The following TRPA1 variants were observed in gnomAD, a reference collection of about 807,000 sequenced individuals.
The protein encoded by TRPA1 is ankyrin-like with transmembrane domains 1.
In TRPA1, 129 loss-of-function variants were observed where a neutral mutation model predicts 131.3. The ratio of observed to expected loss-of-function variants is 0.98; its 90% CI spans 0.85 to 1.14. The LOEUF (loss-of-function observed/expected upper bound fraction) is 1.14. Among genes scored for constraint, TRPA1 ranks in the 50% most tolerant of loss-of-function variants. The pLI, the probability that TRPA1 is intolerant of heterozygous loss-of-function variation, is 0.00. For synonymous variants in TRPA1, 441 were observed against 451.7 expected (o/e 0.98, Z 0.30); for missense variants, 1,304 against 1,354.2 (o/e 0.96, Z 0.58).
intron 2 of TRPA1, 71 bp from the exon 3 acceptor site, chr8:72,069,269 C>G: frequency 1.4e-6 from 2 of 1,457,336 alleles, no homozygotes; most frequent in Non-Finnish European, 1.9e-6. Flanking sequence ...AGTGCCTATA[C>G]ACTATAAAAC....
At chr8:72,062,989 A>G in intron 5 of TRPA1, 45 bp from the exon 6 acceptor site, 1 of 1,551,820 alleles carries the variant, frequency 6.4e-7, no homozygotes, top group Non-Finnish European at 8.8e-7. Flanking sequence ...TATAAAATAA[A>G]TAATAGGGAG....
rs775817417 is a variant in TRPA1, at chr8:72,055,780, C to T, written c.1270G>A (p.Gly424Arg). ...CTPLHYACRQ[G>R]GPGSVNNLLG... ...AGGTTATTTACAGAACCAGGGCCCC[C>T]CTGTCTACATGCATAATGTAGAGGA... Residue 424 changes from glycine (G) to arginine (R), a missense_variant, in exon 11 of 27, where the codon GGG (glycine) becomes AGG (arginine). Transcript: ENST00000262209. The T allele has an allele frequency of 2.2e-5, 35 of 1,612,808 alleles. No individual in the cohort carries two copies. The highest frequency in any genetic ancestry group is 3.0e-5 in the Non-Finnish European group (35 of 1,179,232).
rs749758571 is a variant in TRPA1 at position 72,046,650 on chromosome 8, T to C, written c.1966-42A>G. ...TTTTTTTAAAAAAATGTACAGTTAGTCAAGTATAGAATCCCCAAAGTAATT... is the reference window on the plus strand; with the variant it reads ...TTTTTTTAAAAAAATGTACAGTTAGCCAAGTATAGAATCCCCAAAGTAATT... On this transcript the variant is annotated intron_variant, in intron 16 of 26. Coordinates refer to ENST00000262209, the MANE Select transcript of TRPA1 (RefSeq NM_007332.3). The C allele has an allele frequency of 2.8e-6, 3 of 1,056,946 alleles. No individual in the cohort carries two copies. The Admixed American group carries it at 5.4e-5, about 19-fold the overall frequency. 65.5% of individuals were successfully genotyped at this position (1,056,946 alleles called of 1,614,324 possible).
At chr8:72,064,010 CA>C (rs1805872055) in intron 4 of TRPA1, among the ~76,000 whole-genome samples, 1 of 152,036 alleles carries the variant, frequency 6.6e-6, no homozygotes, top group South Asian at 2.1e-4. Flanking sequence ...CAAATATTTT[CA>C]CTAATGAAGT....
rs764575967 is a variant in TRPA1, at chr8:72,039,798, C to A, written c.2062-1G>T. ...CTATGCGGTTATTTTGTACCATTGC[C>A]TGAGAAATAAAAAAAAGTGTAATAA... is the stretch of plus-strand genomic sequence containing the variant. On this transcript the variant is annotated splice_acceptor_variant, in intron 17 of 26. Transcript: ENST00000262209. LOFTEE classifies it high-confidence loss of function. The A allele has an allele frequency of 1.9e-6, 3 of 1,600,052 alleles. No individual in the cohort carries two copies. The South Asian group carries it at 3.3e-5, about 18-fold the overall frequency.
chr8:72,077,848 T>C (rs1370949684), upstream of TRPA1, among the ~76,000 whole-genome samples: 1 of 152,150 alleles, frequency 6.6e-6, no homozygotes, highest in African/African-American at 2.4e-5. Flanking sequence ...AGTTTATTGA[T>C]GAATAGCAGT....
rs529569989 is a variant in TRPA1 at position 72,022,635 on chromosome 8, C to T, written c.*271G>A. On this transcript the variant is annotated 3_prime_UTR_variant, in exon 27 of 27. Transcript: ENST00000262209. ...TTAAAAATGTGTGTTCTAGCAAATT[C>T]ATTTTCTACCCATTCAAATAATGAG... The T allele has an allele frequency of 3.5e-4, 183 of 518,830 alleles. 2 individuals carry two copies. The South Asian group carries it at 3.8e-3, about 11-fold the overall frequency. The allele number at this position is 518,830 out of a possible 1,614,324, so 32.1% of individuals were successfully genotyped here. A position where few individuals can be genotyped will look rare whatever the true frequency, so the allele number is the denominator to read the frequency against.
chr8:72,059,387 TACC>T lies in TRPA1; in HGVS notation c.993_993+2del. On this transcript the variant is annotated splice_donor_variant and coding_sequence_variant, in exon 8 of 27. Transcript: ENST00000262209. LOFTEE classifies it high-confidence loss of function. ...AAAATAAACCAGTAAAAGGAATAGT[TACC>T]ACTGAAATTAAATAGTCTGCTAGCT... 6.4e-7 allele frequency: 1 copy of T among 1,554,540 alleles called. No individual in the cohort carries two copies. The highest frequency in any genetic ancestry group is 8.8e-7 in the Non-Finnish European group (1 of 1,132,754).
At chr8:72,083,606 G>A in the TRPA1 span, among the ~76,000 whole-genome samples, 3 of 151,840 alleles carry the variant, frequency 2.0e-5, no homozygotes, top group Non-Finnish European at 4.4e-5. Flanking sequence ...AGCCGGGCAT[G>A]GTGGCAGGCG....
At chr8:72,069,675 G>T (rs1350799686) in intron 2 of TRPA1, among the ~76,000 whole-genome samples, 1 of 151,766 alleles carries the variant, frequency 6.6e-6, no homozygotes, top group Non-Finnish European at 1.5e-5. Context: ...CACAGAGCTA[G>T]TAAGGAAGTA....
rs760140206 is a variant in TRPA1 at position 72,065,497 on chromosome 8, A to G, written c.506T>C (p.Val169Ala). ...NLEGENGNTA[V>A]IIACTTNNSE... ...ATTATTTGTGGTGCACGCAATGATC[A>G]CAGCTGTGTTTCCATTTTCTCCTTC... Residue 169 changes from valine to alanine, a missense_variant, in exon 4 of 27, where the codon GTG (valine) becomes GCG (alanine). Transcript: ENST00000262209. The G allele has an allele frequency of 2.5e-6, 4 of 1,613,558 alleles. No individual in the cohort carries two copies. In the South Asian group the frequency reaches 4.4e-5, roughly 18 times the overall value.
In TRPA1 at chr8:72,038,865, C is replaced by T. The variant is rs1379991912; in HGVS notation, c.2295G>A (p.Thr765=). 6.2e-6 allele frequency: 10 copies of T among 1,607,792 alleles called. No individual in the cohort carries two copies. Among genetic ancestry groups the T allele is most frequent in the African/African-American group, 5.4e-5 (4 of 74,516 alleles). The change falls in exon 19 of 27, where the codon ACG becomes ACA. Residue 765 remains threonine, a splice_region_variant and synonymous_variant. Coordinates refer to ENST00000262209, the MANE Select transcript of TRPA1 (RefSeq NM_007332.3). ...TTAGAAAGTTAAAATTTGAAATTAC[C>T]GTGGTATCTAGTATTTCTGAATGAT... ...TSDHSEILDT[T]NSYLIKTCMI...
At chr8:72,069,626 G>T (rs10091803) in intron 2 of TRPA1, among the ~76,000 whole-genome samples, 1 of 151,914 alleles carries the variant, frequency 6.6e-6, no homozygotes, top group South Asian at 2.1e-4. Flanking sequence ...GAAGGAGGAA[G>T]ATGTTGAGGT....
At chr8:72,028,443 C>T (rs527545436) in intron 24 of TRPA1, among the ~76,000 whole-genome samples, 111 of 152,338 alleles carry the variant, frequency 7.3e-4, no homozygotes, top group African/African-American at 2.5e-3. Context: ...CTGGCCCCTC[C>T]TTTCACGACG....
rs1442403312 is a variant in TRPA1 at position 72,036,395 on chromosome 8, G to A, written c.2448C>T (p.Ile816=). 4 of 1,614,054 alleles carry A rather than the reference G, an allele frequency of 2.5e-6. No individual in the cohort carries two copies. Among genetic ancestry groups the A allele is most frequent in the Non-Finnish European group, 3.4e-6 (4 of 1,180,012 alleles). Residue 816 remains isoleucine, a synonymous_variant, in exon 21 of 27, where the codon ATC becomes ATT. Transcript: ENST00000262209. ...VLEWIIYTTG[I]IFVLPLFVEI... ...CAACAAACAAGGGCAGCACAAAAATGATGCCCGTCGTGTAGATAATCCATT... is the reference window on the plus strand; with the variant it reads ...CAACAAACAAGGGCAGCACAAAAATAATGCCCGTCGTGTAGATAATCCATT...
At position 72,075,174 on chromosome 8, in the gene TRPA1, T is replaced by C. The variant is rs1585895846; in HGVS notation, c.111+125A>G. The C allele has an allele frequency of 2.1e-5, 16 of 768,536 alleles. 1 individual carries two copies. The Middle Eastern group carries it at 1.8e-3, about 87-fold the overall frequency. 47.6% of individuals were successfully genotyped at this position (768,536 alleles called of 1,614,324 possible). A position where few individuals can be genotyped will look rare whatever the true frequency, so the allele number is the denominator to read the frequency against. ...ATTAGTAGGGTCACCTCTTGGATTG[T>C]GCACACACCCCAAAGCTTGCAACCC... On this transcript the variant is annotated intron_variant, in intron 1 of 26. Transcript: ENST00000262209.
chr8:72,047,342 A>C lies in TRPA1; in HGVS notation c.1906-135T>G, dbSNP rs930800578. 7 of 706,342 alleles carry C rather than the reference A, an allele frequency of 9.9e-6. No individual in the cohort carries two copies. The African/African-American group carries it at 1.2e-4, about 13-fold the overall frequency. The allele number at this position is 706,342 out of a possible 1,614,324, so 43.8% of individuals were successfully genotyped here. A position where few individuals can be genotyped will look rare whatever the true frequency, so the allele number is the denominator to read the frequency against. ...GTTTCTTGCATCTCAAGAATAAATT[A>C]TAATCTATGTCATTCAGGAACAAAG... On this transcript the variant is annotated intron_variant, in intron 15 of 26. Transcript: ENST00000262209.
At chr8:72,041,661 C>T (rs1812255691) in intron 17 of TRPA1, among the ~76,000 whole-genome samples, 1 of 151,614 alleles carries the variant, frequency 6.6e-6, no homozygotes, top group Non-Finnish European at 1.5e-5. Flanking sequence ...CATCTGGAAA[C>T]AAATGAAATG....
intron 15 of TRPA1, 43 bp downstream of exon 15, chr8:72,050,735 G>T: frequency 7.8e-7 from 1 of 1,277,932 alleles, no homozygotes; most frequent in Non-Finnish European, 1.1e-6. Context: ...AACAACATAT[G>T]TCAAGCATAA....
Sources: allele counts gnomAD v4.1 joint callset (sites outside exome capture counted in the v4.1 genomes callset), GRCh38; gene constraint gnomAD v4.1.1; transcripts MANE v1.5; gene names NCBI Gene and HGNC (gene_info 2026-07-23, HGNC 2026-07-21).